The following XRCC4 variants were observed in gnomAD, a reference collection of about 807,000 sequenced individuals.
XRCC4 encodes X-ray repair cross complementing 4.
A neutral mutation model predicts 39.1 loss-of-function variants in XRCC4; 28 were observed. That is an observed-to-expected ratio of 0.72 (90% confidence interval 0.53 to 0.98). The LOEUF (loss-of-function observed/expected upper bound fraction) is 0.98, where lower values mean the gene tolerates loss of function less well. Among genes scored for constraint, XRCC4 ranks in the 50% least tolerant of loss-of-function variants. XRCC4 has a pLI of 0.00. For missense variants in XRCC4, 350 were observed against 376.4 expected (o/e 0.93, Z 0.58); for synonymous variants, 123 against 126.4 (o/e 0.97, Z 0.18).
intron 7 of XRCC4, among the ~76,000 whole-genome samples, chr5:83,274,211 A>G (rs181758762): frequency 9.1e-4 from 139 of 152,302 alleles, no homozygotes; most frequent in Non-Finnish European, 1.6e-3. Context: ...GTTTGAATGT[A>G]AACTGTCTTC....
intron 3 of XRCC4, among the ~76,000 whole-genome samples, chr5:83,156,856 T>C (rs1748989300): frequency 6.6e-6 from 1 of 151,968 alleles, no homozygotes; most frequent in Non-Finnish European, 1.5e-5. Flanking sequence ...GGCAAATGGA[T>C]TCCTAAGCAG....
At chr5:83,349,090 A>C (rs369066313) in intron 7 of XRCC4, among the ~76,000 whole-genome samples, 61 of 152,072 alleles carry the variant, frequency 4.0e-4, no homozygotes, top group Middle Eastern at 3.4e-3. Context: ...ATCTTCTTCC[A>C]ACCCCTCCAA....
intron 1 of XRCC4, among the ~76,000 whole-genome samples, chr5:83,099,400 AAG>A (rs1437602039): frequency 6.6e-6 from 1 of 152,152 alleles, no homozygotes; most frequent in Non-Finnish European, 1.5e-5. Flanking sequence ...GCTGACCTAA[AAG>A]AGAGAGTTGG....
chr5:83,206,301 T>A (rs187996484), intron 6 of XRCC4, among the ~76,000 whole-genome samples: 79 of 152,138 alleles, frequency 5.2e-4, no homozygotes, highest in African/African-American at 1.9e-3. Context: ...ACCAGAGTGA[T>A]GGAGAGGCGA....
At chr5:83,226,604 A>G (rs1752300311) in intron 6 of XRCC4, among the ~76,000 whole-genome samples, 1 of 151,960 alleles carries the variant, frequency 6.6e-6, no homozygotes. Context: ...TGGGATCCAG[A>G]CCCTCCTCTC....
At chr5:83,310,857 T>C (rs1260725982) in intron 7 of XRCC4, 3 of 456,440 alleles carry the variant, frequency 6.6e-6, no homozygotes, top group Non-Finnish European at 8.8e-6. Flanking sequence ...GAAAAGATGC[T>C]AAGCTGCTGC....
chr5:83,090,801 CTG>C (rs763058024), intron 1 of XRCC4, among the ~76,000 whole-genome samples: 5 of 152,184 alleles, frequency 3.3e-5, no homozygotes, highest in Admixed American at 6.5e-5. Context: ...TTTGCCAACT[CTG>C]TGCGAGGAGC....
intron 1 of XRCC4, among the ~76,000 whole-genome samples, chr5:83,104,295 C>G (rs16900161): frequency 0.065 from 9,833 of 152,118 alleles, 1,023 homozygotes; most frequent in East Asian, 0.48. Flanking sequence ...ACAGTGTCTC[C>G]AGACAGAGAC....
At chr5:83,172,448 A>T (rs1304750463) in intron 3 of XRCC4, among the ~76,000 whole-genome samples, 1 of 152,174 alleles carries the variant, frequency 6.6e-6, no homozygotes, top group Non-Finnish European at 1.5e-5. Context: ...TTTCCACTGT[A>T]GTTCTCTCTG....
At chr5:83,215,510 A>G (rs1751824779) in intron 6 of XRCC4, among the ~76,000 whole-genome samples, 1 of 152,200 alleles carries the variant, frequency 6.6e-6, no homozygotes, top group Non-Finnish European at 1.5e-5. Context: ...AATCTTGGAA[A>G]ACAAGAAATA....
chr5:83,175,828 C>T (rs867279282), intron 3 of XRCC4, among the ~76,000 whole-genome samples: 6 of 152,030 alleles, frequency 3.9e-5, no homozygotes, highest in Non-Finnish European at 8.8e-5. Context: ...AGGCTGGTCT[C>T]GAACTCCTGA....
intron 3 of XRCC4, among the ~76,000 whole-genome samples, chr5:83,193,167 A>G (rs1322201277): frequency 1.3e-5 from 2 of 152,104 alleles, no homozygotes; most frequent in Admixed American, 6.6e-5. Flanking sequence ...GGCCCCTTGC[A>G]TCTGTAGTAA....
intron 3 of XRCC4, among the ~76,000 whole-genome samples, chr5:83,152,569 G>A (rs569800421): frequency 3.3e-4 from 49 of 149,898 alleles, no homozygotes; most frequent in Middle Eastern, 3.6e-3. Context: ...GGAGGCAGAG[G>A]TTGCAGTGAG....
At chr5:83,351,908 T>C (rs1757095917) in intron 7 of XRCC4, among the ~76,000 whole-genome samples, 1 of 152,218 alleles carries the variant, frequency 6.6e-6, no homozygotes, top group African/African-American at 2.4e-5. Context: ...TTGGGGGTTT[T>C]CATTGGTTAT....
At chr5:83,246,921 T>G (rs1415278165) in intron 6 of XRCC4, among the ~76,000 whole-genome samples, 1 of 152,196 alleles carries the variant, frequency 6.6e-6, no homozygotes, top group Non-Finnish European at 1.5e-5. Context: ...AAATATCTTA[T>G]GAGGTTGAAA....
At chr5:83,159,384 T>G (rs1749101770) in intron 3 of XRCC4, among the ~76,000 whole-genome samples, 1 of 152,148 alleles carries the variant, frequency 6.6e-6, no homozygotes, top group African/African-American at 2.4e-5. Context: ...AGAGTGCTAG[T>G]GCATGCGATT....
intron 3 of XRCC4, among the ~76,000 whole-genome samples, chr5:83,118,669 G>C (rs1302144763): frequency 6.6e-6 from 1 of 152,148 alleles, no homozygotes; most frequent in Non-Finnish European, 1.5e-5. Context: ...TAGTCACATG[G>C]CTTCACCTAG....
chr5:83,272,908 G>A (rs1754193250), intron 7 of XRCC4, among the ~76,000 whole-genome samples: 1 of 152,176 alleles, frequency 6.6e-6, no homozygotes, highest in Non-Finnish European at 1.5e-5. Flanking sequence ...TGTCTTTATA[G>A]TAGAATGATT....
intron 1 of XRCC4, among the ~76,000 whole-genome samples, chr5:83,097,338 G>A (rs1745722870): frequency 7.2e-6 from 1 of 139,774 alleles, no homozygotes; most frequent in South Asian, 2.2e-4. Context: ...TTGAGGATAT[G>A]TTATAGGTTT....
Sources: gnomAD v4.1 joint callset for allele counts (sites outside exome capture counted in the v4.1 genomes callset) on GRCh38, gnomAD v4.1.1 for gene constraint, MANE v1.5 for transcripts, NCBI Gene and HGNC (gene_info 2026-07-23, HGNC 2026-07-21) for gene names.